Variants in ESRRG observed in about 807,000 individuals in gnomAD.
ESRRG encodes the protein estrogen related receptor gamma.
Under a neutral mutation model 44.0 loss-of-function variants are expected in ESRRG, and 13 were observed. That is an observed-to-expected ratio of 0.30 (90% CI 0.19 to 0.47). ESRRG has a LOEUF of 0.47. ESRRG is among the 20% of genes least tolerant of loss of function. ESRRG has a pLI of 1.00. For missense variants in ESRRG, 395 were observed against 580.6 expected, an observed-to-expected ratio of 0.68 and a Z score of 3.29; for synonymous variants, 215 against 214.6, an observed-to-expected ratio of 1.00 and a Z score of -0.02.
intron 2 of ESRRG, among the ~76,000 whole-genome samples, chr1:216,915,940 G>A (rs2061108473): frequency 6.6e-6 from 1 of 152,154 alleles, no homozygotes; most frequent in Admixed American, 6.6e-5. Context: ...GAGATCTTGT[G>A]AACTATTCGC....
At chr1:216,781,231 T>C (rs2093923050) in intron 2 of ESRRG, among the ~76,000 whole-genome samples, 1 of 152,058 alleles carries the variant, frequency 6.6e-6, no homozygotes, top group African/African-American at 2.4e-5. Context: ...ACTTACTATG[T>C]GACAGGCACT....
At chr1:216,933,451 C>T (rs1353272917) in intron 2 of ESRRG, among the ~76,000 whole-genome samples, 1 of 151,538 alleles carries the variant, frequency 6.6e-6, no homozygotes, top group African/African-American at 2.4e-5. Flanking sequence ...AAAAAAAATT[C>T]GTTTGAAAAT....
intron 2 of ESRRG, among the ~76,000 whole-genome samples, chr1:216,829,387 C>T (rs1185159573): frequency 2.0e-5 from 3 of 152,044 alleles, no homozygotes; most frequent in Non-Finnish European, 1.5e-5. Flanking sequence ...GAGGTGTCTC[C>T]ATTTAGTTCC....
intron 1 of ESRRG, among the ~76,000 whole-genome samples, chr1:216,976,410 C>T (rs996676855): frequency 2.6e-5 from 4 of 152,078 alleles, no homozygotes; most frequent in African/African-American, 9.6e-5. Flanking sequence ...TAAACTAGGA[C>T]ACTACTCCAT....
At chr1:217,001,241 T>C (rs2076999359) in intron 1 of ESRRG, among the ~76,000 whole-genome samples, 1 of 152,188 alleles carries the variant, frequency 6.6e-6, no homozygotes, top group African/African-American at 2.4e-5. Flanking sequence ...TCTGTAAAGA[T>C]ATAGGAATGG....
chr1:216,526,552 C>T (rs1204981570), intron 5 of ESRRG, among the ~76,000 whole-genome samples: 3 of 152,250 alleles, frequency 2.0e-5, no homozygotes, highest in Middle Eastern at 3.4e-3. Flanking sequence ...TGCTCTTGGG[C>T]TTCCAACTTC....
intron 2 of ESRRG, among the ~76,000 whole-genome samples, chr1:216,669,422 T>G (rs1645308156): frequency 6.6e-6 from 1 of 152,172 alleles, no homozygotes; most frequent in African/African-American, 2.4e-5. Context: ...AAAGAAAGAT[T>G]GCAATATTTT....
chr1:216,771,638 C>G (rs1031068615), intron 2 of ESRRG, among the ~76,000 whole-genome samples: 1 of 152,036 alleles, frequency 6.6e-6, no homozygotes, highest in Non-Finnish European at 1.5e-5. Context: ...TATTTAAAAG[C>G]TTCCTTATGT....
At chr1:216,843,386 G>T (rs2095685678) in intron 2 of ESRRG, among the ~76,000 whole-genome samples, 1 of 152,016 alleles carries the variant, frequency 6.6e-6, no homozygotes, top group Non-Finnish European at 1.5e-5. Flanking sequence ...GAAAGACTAA[G>T]TTTTTCAAGG....
chr1:217,051,339 AG>A (rs1012440080), intron 1 of ESRRG, among the ~76,000 whole-genome samples: 2 of 152,052 alleles, frequency 1.3e-5, no homozygotes, highest in Non-Finnish European at 2.9e-5. Context: ...CACTTCTAAA[AG>A]GTGAATCAGT....
At chr1:216,522,599 A>T (rs535906013) in intron 5 of ESRRG, among the ~76,000 whole-genome samples, 1 of 152,268 alleles carries the variant, frequency 6.6e-6, no homozygotes, top group South Asian at 2.1e-4. Context: ...AGTCATGTTC[A>T]TCTGGTCACT....
intron 5 of ESRRG, among the ~76,000 whole-genome samples, chr1:216,526,077 A>G (rs942231196): frequency 4.6e-5 from 7 of 152,168 alleles, no homozygotes; most frequent in African/African-American, 1.4e-4. Flanking sequence ...TTAGCAATAA[A>G]TGCCCGTAAG....
intron 2 of ESRRG, among the ~76,000 whole-genome samples, chr1:216,812,635 T>C (rs1271049440): frequency 6.6e-6 from 1 of 152,222 alleles, no homozygotes; most frequent in Admixed American, 6.5e-5. Flanking sequence ...GAAATAAATT[T>C]GGTAACTCTG....
At chr1:216,545,381 T>C (rs377498508) in intron 5 of ESRRG, among the ~76,000 whole-genome samples, 2 of 151,964 alleles carry the variant, frequency 1.3e-5, no homozygotes, top group East Asian at 3.9e-4. Flanking sequence ...TGATTTCATA[T>C]AAACTTTAAA....
chr1:216,810,134 G>C (rs1475319810), intron 2 of ESRRG, among the ~76,000 whole-genome samples: 1 of 152,110 alleles, frequency 6.6e-6, no homozygotes, highest in East Asian at 1.9e-4. Context: ...AAACAGAGAA[G>C]CAGCAGGGCC....
chr1:216,647,726 G>A (rs1455415542), intron 3 of ESRRG, among the ~76,000 whole-genome samples: 1 of 152,112 alleles, frequency 6.6e-6, no homozygotes, highest in Non-Finnish European at 1.5e-5. Context: ...TAAAGCTAAC[G>A]ATTATTATTT....
chr1:217,108,657 C>T (rs1031674799), intron 1 of ESRRG, among the ~76,000 whole-genome samples: 1 of 151,936 alleles, frequency 6.6e-6, no homozygotes, highest in African/African-American at 2.4e-5. Context: ...CCCTCCCTCT[C>T]CCTCTCTCTT....
chr1:216,958,213 G>C (rs900862518), intron 1 of ESRRG, among the ~76,000 whole-genome samples: 1 of 152,094 alleles, frequency 6.6e-6, no homozygotes, highest in Non-Finnish European at 1.5e-5. Context: ...ACACATTTTA[G>C]CTATATGAAT....
intron 3 of ESRRG, among the ~76,000 whole-genome samples, chr1:216,569,659 A>G (rs1558556440): frequency 6.6e-6 from 1 of 152,180 alleles, no homozygotes; most frequent in Non-Finnish European, 1.5e-5. Context: ...AGAAGTGAGG[A>G]GACACTCTTT....
Sources: allele counts gnomAD v4.1 joint callset (sites outside exome capture counted in the v4.1 genomes callset), GRCh38; gene constraint gnomAD v4.1.1; transcripts MANE v1.5; gene names NCBI Gene and HGNC (gene_info 2026-07-23, HGNC 2026-07-21).